Variants in PHIP observed in about 807,000 individuals in gnomAD.
PHIP encodes the protein PH-interacting protein.
In PHIP, 54 loss-of-function variants were observed where a neutral mutation model predicts 236.8. The ratio of observed to expected loss-of-function variants is 0.23; its 90% confidence interval spans 0.18 to 0.29. The LOEUF (loss-of-function observed/expected upper bound fraction) is 0.29, where lower values mean the gene tolerates loss of function less well. PHIP is among the 10% of genes least tolerant of loss of function. The pLI, the probability that PHIP is intolerant of heterozygous loss-of-function variation, is 1.00. For synonymous variants in PHIP, 756 were observed against 718.9 expected (o/e 1.05, Z -0.83); for missense variants, 1,370 against 2,190.8 (o/e 0.63, Z 7.48).
At chr6:79,040,241 A>G (rs1484930826) in intron 7 of PHIP, among the ~76,000 whole-genome samples, 2 of 152,104 alleles carry the variant, frequency 1.3e-5, no homozygotes, top group Admixed American at 1.3e-4. Context: ...GATTAAAGAG[A>G]TGAGGTAATC....
At chr6:79,011,870 A>G (rs1308069901) in intron 15 of PHIP, among the ~76,000 whole-genome samples, 2 of 151,766 alleles carry the variant, frequency 1.3e-5, no homozygotes, top group Non-Finnish European at 3.0e-5. Context: ...GAAATTTTTA[A>G]AAGTATAAGT....
chr6:79,048,828 C>A (rs1181380361), intron 6 of PHIP, among the ~76,000 whole-genome samples: 1 of 152,154 alleles, frequency 6.6e-6, no homozygotes, highest in Admixed American at 6.6e-5. Context: ...GCCCTGCTGG[C>A]AGCCTAATGA....
chr6:79,051,094 G>C (rs1184118503), intron 6 of PHIP, among the ~76,000 whole-genome samples: 1 of 152,104 alleles, frequency 6.6e-6, no homozygotes, highest in African/African-American at 2.4e-5. Flanking sequence ...ACAATGGAAA[G>C]ACCTGTTATT....
intron 29 of PHIP, among the ~76,000 whole-genome samples, chr6:78,964,422 T>A (rs1248184569): frequency 2.0e-5 from 3 of 152,188 alleles, no homozygotes; most frequent in African/African-American, 7.2e-5. Context: ...ATTTCTACTA[T>A]GTTAGAAATT....
intron 6 of PHIP, among the ~76,000 whole-genome samples, chr6:79,049,605 G>C (rs1399447628): frequency 5.9e-5 from 9 of 152,090 alleles, no homozygotes; most frequent in Admixed American, 5.9e-4. Flanking sequence ...AACTATCACT[G>C]TAAAACAACA....
chr6:79,055,401 G>A (rs976016170), intron 6 of PHIP, among the ~76,000 whole-genome samples: 3 of 152,030 alleles, frequency 2.0e-5, no homozygotes, highest in African/African-American at 7.2e-5. Context: ...TGAAGTATAA[G>A]CAAATATAGA....
chr6:78,983,172 G>A, intron 22 of PHIP, 55 bp from the exon 23 acceptor site: 2 of 910,826 alleles, frequency 2.2e-6, no homozygotes, highest in Non-Finnish European at 3.2e-6. Flanking sequence ...TTTAAGACTT[G>A]TTTTATAAAA....
At chr6:79,031,009 T>C (rs2127751901) in intron 7 of PHIP, among the ~76,000 whole-genome samples, 1 of 152,230 alleles carries the variant, frequency 6.6e-6, no homozygotes, top group African/African-American at 2.4e-5. Context: ...TGTAGTGCGA[T>C]CTCGGCTCAC....
intron 6 of PHIP, among the ~76,000 whole-genome samples, chr6:79,048,137 T>G (rs1157768789): frequency 6.6e-6 from 1 of 152,048 alleles, no homozygotes; most frequent in Non-Finnish European, 1.5e-5. Flanking sequence ...CACGTAAAAA[T>G]GTTGTATCTT....
At chr6:78,995,091 G>A (rs1386502562) in intron 19 of PHIP, among the ~76,000 whole-genome samples, 1 of 152,056 alleles carries the variant, frequency 6.6e-6, no homozygotes, top group East Asian at 1.9e-4. Context: ...CTATACCCTT[G>A]TCATTTCAAG....
At chr6:79,059,624 TAA>T (rs66525485) in intron 6 of PHIP, among the ~76,000 whole-genome samples, 5,898 of 65,072 alleles carry the variant, frequency 0.091, 230 homozygotes, top group East Asian at 0.18. Context: ...TATATATATA[TAA>T]AAATGCCAAA....
At chr6:79,036,616 T>C (rs776293442) in intron 7 of PHIP, among the ~76,000 whole-genome samples, 1 of 152,100 alleles carries the variant, frequency 6.6e-6, no homozygotes, top group African/African-American at 2.4e-5. Context: ...TAATCTTTTT[T>C]CTGAACCATT....
chr6:79,017,892 C>A (rs967310274), intron 10 of PHIP, among the ~76,000 whole-genome samples: 3 of 151,858 alleles, frequency 2.0e-5, no homozygotes, highest in African/African-American at 7.2e-5. Context: ...GAAAATATTT[C>A]TCTCGCAATT....
In PHIP at chr6:78,997,431, T is replaced by C. The variant is rs752750177; in HGVS notation, c.2184A>G (p.Leu728=). 2 of 1,613,846 alleles carry C rather than the reference T, an allele frequency of 1.2e-6. No individual in the cohort carries two copies. Among genetic ancestry groups the C allele is most frequent in the East Asian group, 2.2e-5 (1 of 44,844 alleles). Residue 728 remains leucine, a synonymous_variant, in exon 19 of 40, where the codon CTA becomes CTG. Coordinates refer to ENST00000275034, the MANE Select transcript of PHIP (RefSeq NM_017934.7). ...AWSRRVVVPE[L]SAGVASRQEE... ...TCCCTTACCTGGCTACACCAGCTGA[T>C]AGCTCGGGTACTACCACCCTTCGAC...
At chr6:78,997,983 T>C (rs956779385) in intron 18 of PHIP, among the ~76,000 whole-genome samples, 1 of 152,204 alleles carries the variant, frequency 6.6e-6, no homozygotes, top group Non-Finnish European at 1.5e-5. Flanking sequence ...GGTGATGAGA[T>C]GTTCAAGAAT....
intron 24 of PHIP, among the ~76,000 whole-genome samples, chr6:78,973,654 A>G (rs1026442324): frequency 2.0e-5 from 3 of 147,536 alleles, no homozygotes; most frequent in African/African-American, 7.6e-5. Context: ...AGAGACACAC[A>G]TAGGCTCAAA....
chr6:79,069,173 T>G (rs943713907), intron 4 of PHIP, among the ~76,000 whole-genome samples: 3 of 148,136 alleles, frequency 2.0e-5, no homozygotes, highest in Non-Finnish European at 4.5e-5. Flanking sequence ...ACATTAATTA[T>G]ATTTTATTAT....
At chr6:79,025,874 A>T in intron 8 of PHIP, 69 bp downstream of exon 8, 2 of 1,151,268 alleles carry the variant, frequency 1.7e-6, no homozygotes, top group Non-Finnish European at 1.3e-6. Context: ...ACCAAAAGTG[A>T]CTTCATTAAA....
At position 79,059,158 on chromosome 6, in the gene PHIP, CAG is replaced by C. The variant is rs1411797972; in HGVS notation, c.439+1318_439+1319del. On this transcript the variant is annotated intron_variant, in intron 6 of 39. Transcript: ENST00000275034. The stretch of plus-strand genomic sequence containing the variant: ...TCAGAGCAAACAATTCAGAATACAT[CAG>C]AGAGTCAAAAACATGTAAAACATAG... Among the ~76,000 whole-genome samples, 12 of 152,026 alleles carry C rather than the reference CAG, an allele frequency of 7.9e-5. No individual in the cohort carries two copies. In the East Asian group the frequency reaches 9.7e-4, roughly 12 times the overall value.
Sources: allele counts gnomAD v4.1 joint callset (sites outside exome capture counted in the v4.1 genomes callset), GRCh38; gene constraint gnomAD v4.1.1; transcripts MANE v1.5; gene names NCBI Gene and HGNC (gene_info 2026-07-23, HGNC 2026-07-21).